Variants in BTBD9 observed in about 807,000 individuals in gnomAD.
The protein encoded by BTBD9 is BTB/POZ domain-containing protein 9.
A neutral mutation model predicts 64.3 loss-of-function variants in BTBD9; 49 were observed. The ratio of observed to expected loss-of-function variants is 0.76; its 90% confidence interval spans 0.61 to 0.97. The LOEUF (loss-of-function observed/expected upper bound fraction) is 0.97, where lower values mean the gene tolerates loss of function less well. Among genes scored for constraint, BTBD9 ranks in the 50% least tolerant of loss-of-function variants. BTBD9 has a pLI of 0.00. For synonymous variants in BTBD9, 260 were observed against 274.7 expected (o/e 0.95, Z 0.53); for missense variants, 598 against 762.1 (o/e 0.78, Z 2.53).
At chr6:38,246,403 A>G in intron 9 of BTBD9, among the ~76,000 whole-genome samples, 1 of 152,080 alleles carries the variant, frequency 6.6e-6, no homozygotes, top group African/African-American at 2.4e-5. Context: ...AAGCCTGCTG[A>G]TATCTCATCA....
chr6:38,205,879 C>CGAAAAAAA (rs1762625649), intron 9 of BTBD9, among the ~76,000 whole-genome samples: 2 of 47,288 alleles, frequency 4.2e-5, no homozygotes, highest in Non-Finnish European at 7.5e-5. Context: ...GAGTCTGTCT[C>CGAAAAAAA]AAAAAAAAAA....
intron 8 of BTBD9, among the ~76,000 whole-genome samples, chr6:38,272,176 G>A (rs1360866311): frequency 6.6e-6 from 1 of 152,038 alleles, no homozygotes; most frequent in Non-Finnish European, 1.5e-5. Context: ...AAATTACAGA[G>A]ACATTTAAAG....
At chr6:38,604,285 A>G (rs1277757930) in intron 1 of BTBD9, among the ~76,000 whole-genome samples, 1 of 152,166 alleles carries the variant, frequency 6.6e-6, no homozygotes, top group Non-Finnish European at 1.5e-5. Context: ...ATGTTTGTAA[A>G]TAAATGTTTA....
At chr6:38,587,967 C>T in intron 4 of BTBD9, 1 of 736,254 alleles carries the variant, frequency 1.4e-6, no homozygotes, top group Non-Finnish European at 2.6e-6. Flanking sequence ...AGCATTGCCG[C>T]CTCCTCCTCA....
chr6:38,548,030 T>C (rs957601488), intron 6 of BTBD9, among the ~76,000 whole-genome samples: 2 of 152,222 alleles, frequency 1.3e-5, no homozygotes, highest in Non-Finnish European at 2.9e-5. Context: ...CACACAGCAA[T>C]ACTTCAAATT....
chr6:38,632,980 A>G (rs925538726), intron 1 of BTBD9, among the ~76,000 whole-genome samples: 2 of 152,174 alleles, frequency 1.3e-5, no homozygotes, highest in African/African-American at 2.4e-5. Flanking sequence ...CTGAATATTC[A>G]TGTAAGATCT....
chr6:38,628,133 C>T (rs1778232875), intron 1 of BTBD9, among the ~76,000 whole-genome samples: 1 of 152,172 alleles, frequency 6.6e-6, no homozygotes, highest in African/African-American at 2.4e-5. Flanking sequence ...GGGAGTGACA[C>T]TTCTCTGAGA....
Position 38,399,837 on chromosome 6 carries a change from C to T in BTBD9, c.1155-54744G>A, listed in dbSNP as rs543243350. Among the ~76,000 whole-genome samples, 13 of 152,198 alleles carry T rather than the reference C, an allele frequency of 8.5e-5. No homozygotes were observed. The South Asian group carries it at 1.7e-3, about 19-fold the overall frequency. On this transcript the variant is annotated intron_variant, in intron 6 of 10. Transcript: ENST00000481247. ...CGCAGTCTCAGCTCACCACAACCTC[C>T]GCCTCCCGGGTTCAAGCGATTCTCC...
Position 38,442,579 on chromosome 6 carries a change from C to T in BTBD9, c.1155-97486G>A, listed in dbSNP as rs6929332. ...AATATGATGACCCCAGAAGCTTCAC[C>T]CAGTCCACACTGTTTAACAACAGAT... On this transcript the variant is annotated intron_variant, in intron 6 of 10. Transcript: ENST00000481247. 7.3e-3 allele frequency among the ~76,000 whole-genome samples: 1,106 copies of T among 151,918 alleles called. 9 individuals carry two copies. Among genetic ancestry groups the T allele is most frequent in the African/African-American group, 0.025 (1,045 of 41,406 alleles).
chr6:38,467,426 A>C (rs1003712344), intron 6 of BTBD9, among the ~76,000 whole-genome samples: 6 of 152,238 alleles, frequency 3.9e-5, no homozygotes, highest in Non-Finnish European at 8.8e-5. Flanking sequence ...TAAAAATCAG[A>C]AATTACCTCC....
At chr6:38,501,559 C>T (rs1395398808) in intron 6 of BTBD9, among the ~76,000 whole-genome samples, 1 of 152,188 alleles carries the variant, frequency 6.6e-6, no homozygotes, top group Non-Finnish European at 1.5e-5. Context: ...TGCCAATTTA[C>T]ATCACCAATC....
At chr6:38,310,648 G>T (rs1762792498) in intron 7 of BTBD9, among the ~76,000 whole-genome samples, 2 of 152,076 alleles carry the variant, frequency 1.3e-5, no homozygotes, top group South Asian at 4.1e-4. Flanking sequence ...AATGGATACA[G>T]TAGTTTTTTT....
intron 6 of BTBD9, among the ~76,000 whole-genome samples, chr6:38,555,676 T>G (rs1361738827): frequency 6.6e-6 from 1 of 152,212 alleles, no homozygotes; most frequent in Non-Finnish European, 1.5e-5. Context: ...CCTTTAATTT[T>G]TAATTGTCAG....
intron 9 of BTBD9, among the ~76,000 whole-genome samples, chr6:38,200,907 C>A (rs555385577): frequency 6.6e-6 from 1 of 152,280 alleles, no homozygotes; most frequent in African/African-American, 2.4e-5. Flanking sequence ...GTAATACCAG[C>A]TACTTGGGAG....
chr6:38,529,239 G>A lies in BTBD9; in HGVS notation c.1154+48361C>T, dbSNP rs551933298. On this transcript the variant is annotated intron_variant, in intron 6 of 10. Coordinates refer to ENST00000481247, the MANE Select transcript of BTBD9 (RefSeq NM_001099272.2). The stretch of plus-strand genomic sequence containing the variant: ...TGTATCACCCCTCCTCCAGTTCCAG[G>A]CATCTCAGCAGAGAGAGACTCCATT... 2.0e-5 allele frequency among the ~76,000 whole-genome samples: 3 copies of A among 152,246 alleles called. No homozygotes were observed. In the East Asian group the frequency reaches 5.8e-4, roughly 29 times the overall value.
At position 38,206,511 on chromosome 6, in the gene BTBD9, G is replaced by A. The variant is rs548326869; in HGVS notation, c.1563-13914C>T. On this transcript the variant is annotated intron_variant, in intron 9 of 10. Coordinates refer to ENST00000481247, the MANE Select transcript of BTBD9 (RefSeq NM_001099272.2). ...CTGCCTCAGCCTCCCAAAGTGCTGG[G>A]ATTACAGGCATGAGACACTGCACCT... Among the ~76,000 whole-genome samples the A allele has an allele frequency of 1.2e-4, 18 of 152,168 alleles. No individual in the cohort carries two copies. The South Asian group carries it at 3.7e-3, about 32-fold the overall frequency.
chr6:38,374,447 T>A (rs1765601891), intron 6 of BTBD9, among the ~76,000 whole-genome samples: 1 of 150,558 alleles, frequency 6.6e-6, no homozygotes, highest in Non-Finnish European at 1.5e-5. Context: ...ACATTATTTT[T>A]AAATCAAATA....
chr6:38,353,775 G>C (rs1764615165), intron 6 of BTBD9, among the ~76,000 whole-genome samples: 1 of 152,108 alleles, frequency 6.6e-6, no homozygotes, highest in Non-Finnish European at 1.5e-5. Flanking sequence ...GTAGACAAAT[G>C]AGTCTAATGG....
rs568282866 is a variant in BTBD9 at position 38,601,978 on chromosome 6, A to AT, written c.-27-3858dup. 2.6e-5 allele frequency among the ~76,000 whole-genome samples: 4 copies of AT among 152,318 alleles called. No homozygotes were observed. In the South Asian group the frequency reaches 8.3e-4, roughly 32 times the overall value. Reference sequence around the variant, plus strand: ...ACATGTAACATGTAGTAATAAACTCATAGGACATGTAAGGAAATTATAAAA... The same window carrying AT: ...ACATGTAACATGTAGTAATAAACTCATTAGGACATGTAAGGAAATTATAAAA... On this transcript the variant is annotated intron_variant, in intron 1 of 10. Coordinates refer to ENST00000481247, the MANE Select transcript of BTBD9 (RefSeq NM_001099272.2).
Sources: gnomAD v4.1 joint callset for allele counts (sites outside exome capture counted in the v4.1 genomes callset) on GRCh38, gnomAD v4.1.1 for gene constraint, MANE v1.5 for transcripts, NCBI Gene and HGNC (gene_info 2026-07-23, HGNC 2026-07-21) for gene names.